LRRC7: variants seen among roughly 807,000 people sequenced by gnomAD.
LRRC7 encodes leucine rich repeat containing 7, also known as leucine-rich repeat-containing protein 7.
In LRRC7, 23 loss-of-function variants were observed where a neutral mutation model predicts 175.7. That is an observed-to-expected ratio of 0.13 (90% CI 0.09 to 0.19). The LOEUF (loss-of-function observed/expected upper bound fraction) is 0.19, where lower values mean the gene tolerates loss of function less well. Among genes scored for constraint, LRRC7 ranks in the 10% least tolerant of loss-of-function variants. The probability of loss-of-function intolerance (pLI) is 1.00; values close to 1 mark genes in which losing one functional copy is unlikely to be tolerated. For missense variants in LRRC7, 1,354 were observed against 1,904.7 expected (o/e 0.71, Z 5.38); for synonymous variants, 685 against 680.9 (o/e 1.01, Z -0.09).
intron 2 of LRRC7, among the ~76,000 whole-genome samples, chr1:69,703,265 T>A (rs1276125384): frequency 6.6e-6 from 1 of 152,094 alleles, no homozygotes; most frequent in African/African-American, 2.4e-5. Flanking sequence ...TTATAAGTAG[T>A]AAAATTAAAT....
chr1:69,781,688 G>GAAAGAAAGAAAGA lies in LRRC7; in HGVS notation c.304-10353_304-10352insAGAAAGAAAGAAA, dbSNP rs112404404. ...CAGAGCAAGACTGTCTCAAAAAAAA[G>GAAAGAAAGAAAGA]AAGAAAGAAAGAAAGAAAGAAAGAA... On this transcript the variant is annotated intron_variant, in intron 3 of 26. Coordinates refer to ENST00000651989, the MANE Select transcript of LRRC7 (RefSeq NM_001370785.2). 9.8e-4 allele frequency among the ~76,000 whole-genome samples: 43 copies of GAAAGAAAGAAAGA among 43,944 alleles called. 9 individuals carry two copies. The highest frequency in any genetic ancestry group is 1.2e-3 in the Non-Finnish European group (31 of 25,126). The allele number at this position is 43,944 out of a possible 152,430, so 28.8% of individuals were successfully genotyped here.
chr1:69,961,467 A>C (rs568234543), intron 8 of LRRC7, among the ~76,000 whole-genome samples: 11 of 152,202 alleles, frequency 7.2e-5, no homozygotes, highest in Non-Finnish European at 1.5e-4. Context: ...TTCTTCGCAG[A>C]ACTAGAAAAA....
rs1179211006 is a variant in LRRC7, at chr1:70,141,301, A to G, written c.*19414A>G. On this transcript the variant is annotated 3_prime_UTR_variant, in exon 27 of 27. Coordinates refer to ENST00000651989, the MANE Select transcript of LRRC7 (RefSeq NM_001370785.2). ...AAGGGTTTTTAAGAGTTAAGTCAGT[A>G]GAAAGGGAGCCTGCAAATGAGACAA... 4 of 152,164 alleles carry G rather than the reference A, an allele frequency of 2.6e-5. No homozygotes were observed. Among genetic ancestry groups the G allele is most frequent in the African/African-American group, 9.7e-5 (4 of 41,438 alleles). The allele number at this position is 152,164 out of a possible 1,614,324, so 9.4% of individuals were successfully genotyped here.
At chr1:69,641,168 T>A (rs1654145996) in intron 1 of LRRC7, among the ~76,000 whole-genome samples, 1 of 151,632 alleles carries the variant, frequency 6.6e-6, no homozygotes, top group African/African-American at 2.4e-5. Context: ...ATTCACTCAC[T>A]CTGGAACAAC....
At chr1:69,623,751 A>G (rs370275834) in intron 1 of LRRC7, among the ~76,000 whole-genome samples, 8 of 152,158 alleles carry the variant, frequency 5.3e-5, no homozygotes, top group East Asian at 1.9e-4. Context: ...GGCCACTCCA[A>G]GTTGGTCAGA....
intron 8 of LRRC7, among the ~76,000 whole-genome samples, chr1:69,944,506 C>T (rs1649093781): frequency 1.3e-5 from 2 of 152,008 alleles, no homozygotes; most frequent in Non-Finnish European, 2.9e-5. Flanking sequence ...TATTTCAGTT[C>T]TTTTGGATAA....
rs181553683 is a variant in LRRC7, at chr1:69,714,023, G to A, written c.100+35545G>A. Among the ~76,000 whole-genome samples the A allele has an allele frequency of 5.1e-3, 779 of 151,996 alleles. 7 individuals carry two copies. Among genetic ancestry groups the A allele is most frequent in the Admixed American group, 0.011 (167 of 15,252 alleles). On this transcript the variant is annotated intron_variant, in intron 2 of 26. Coordinates refer to ENST00000651989, the MANE Select transcript of LRRC7 (RefSeq NM_001370785.2). ...CCAGCACCCTCATAACAAATATTTTGTACAATTTGCAAAAAGAGTCATATG... is the reference window on the plus strand; with the variant it reads ...CCAGCACCCTCATAACAAATATTTTATACAATTTGCAAAAAGAGTCATATG...
chr1:69,679,958 T>G (rs763629843), intron 2 of LRRC7, among the ~76,000 whole-genome samples: 3 of 152,122 alleles, frequency 2.0e-5, no homozygotes, highest in Non-Finnish European at 4.4e-5. Context: ...TTGTATATTA[T>G]GCACAACTGA....
chr1:69,623,544 A>T (rs1013604771), intron 1 of LRRC7, among the ~76,000 whole-genome samples: 2 of 134,912 alleles, frequency 1.5e-5, no homozygotes, highest in Non-Finnish European at 3.1e-5. Context: ...TTAGAAAAAG[A>T]CATACTTTTT....
At chr1:69,568,687 C>CCAGCCGCGTG (rs11280966) in intron 1 of LRRC7, 46 bp downstream of exon 1, 1,222,461 of 1,315,358 alleles carry the variant, frequency 0.93, 568,789 homozygotes, top group Middle Eastern at 0.97. Context: ...CTGCGGGGGC[C>CCAGCCGCGTG]CGGCCGCGGC....
intron 1 of LRRC7, among the ~76,000 whole-genome samples, chr1:69,672,164 G>C (rs950790269): frequency 6.6e-6 from 1 of 152,164 alleles, no homozygotes; most frequent in Admixed American, 6.6e-5. Flanking sequence ...GTAGATAGTT[G>C]TTAAATTGGC....
chr1:69,614,046 TATC>T (rs1400521224), intron 1 of LRRC7, among the ~76,000 whole-genome samples: 3 of 149,992 alleles, frequency 2.0e-5, no homozygotes, highest in South Asian at 2.1e-4. Context: ...ATTTGAAAAT[TATC>T]ATTTATGAAT....
intron 8 of LRRC7, among the ~76,000 whole-genome samples, chr1:69,969,761 A>G (rs970374336): frequency 3.3e-5 from 5 of 152,150 alleles, no homozygotes; most frequent in Non-Finnish European, 7.4e-5. Context: ...GATTTAAACT[A>G]TACCCCAGAA....
chr1:69,620,099 T>C (rs1394813788), intron 1 of LRRC7, among the ~76,000 whole-genome samples: 34 of 152,182 alleles, frequency 2.2e-4, no homozygotes, highest in Non-Finnish European at 2.1e-4. Flanking sequence ...CCTGGATTCT[T>C]CATATGCAGA....
chr1:69,921,831 A>G (rs1165035843), intron 7 of LRRC7, among the ~76,000 whole-genome samples: 2 of 152,182 alleles, frequency 1.3e-5, no homozygotes, highest in Non-Finnish European at 2.9e-5. Context: ...TTGACACAGG[A>G]GATAATCTCA....
At chr1:69,955,664 C>T (rs1650416659) in intron 8 of LRRC7, among the ~76,000 whole-genome samples, 2 of 151,924 alleles carry the variant, frequency 1.3e-5, no homozygotes, top group South Asian at 4.1e-4. Context: ...TTGCAACAGA[C>T]ATTTGGTTAA....
intron 10 of LRRC7, among the ~76,000 whole-genome samples, chr1:69,993,968 A>C (rs775653043): frequency 8.5e-5 from 13 of 152,180 alleles, no homozygotes; most frequent in Non-Finnish European, 1.5e-4. Flanking sequence ...ATGAAAGATA[A>C]ATAGTTGTAA....
intron 10 of LRRC7, among the ~76,000 whole-genome samples, chr1:69,991,757 T>C (rs979686366): frequency 2.1e-4 from 32 of 152,274 alleles, no homozygotes; most frequent in African/African-American, 7.5e-4. Flanking sequence ...AAATCTTTAC[T>C]TTCTTCATGC....
At chr1:69,867,041 A>G (rs1463225940) in intron 7 of LRRC7, among the ~76,000 whole-genome samples, 1 of 152,196 alleles carries the variant, frequency 6.6e-6, no homozygotes, top group Non-Finnish European at 1.5e-5. Context: ...AGAGAACTTT[A>G]TAAAATTATC....
Sources: gnomAD v4.1 joint callset for allele counts (sites outside exome capture counted in the v4.1 genomes callset) on GRCh38, gnomAD v4.1.1 for gene constraint, MANE v1.5 for transcripts, NCBI Gene and HGNC (gene_info 2026-07-23, HGNC 2026-07-21) for gene names.